Variants in UTRN observed in about 807,000 individuals in gnomAD.
UTRN encodes the protein dystrophin-related protein 1.
In UTRN, 283 loss-of-function variants were observed where a neutral mutation model predicts 463.9. That is an observed-to-expected ratio of 0.61 (90% CI 0.55 to 0.67). The LOEUF (loss-of-function observed/expected upper bound fraction) is 0.67, where lower values mean the gene tolerates loss of function less well. UTRN is among the 30% of genes least tolerant of loss of function. The probability of loss-of-function intolerance (pLI) is 0.00; values close to 1 mark genes in which losing one functional copy is unlikely to be tolerated. For missense variants in UTRN, 3,922 were observed against 4,084.3 expected (o/e 0.96, Z 1.08); for synonymous variants, 1,442 against 1,431.5 (o/e 1.01, Z -0.17).
Position 144,539,442 on chromosome 6 carries a change from AG to A in UTRN, c.6519+1del. ...SLRTVNMTWN[K>X]ICREVPTTLK... ...AGGACTGTAAATATGACATGGAATA[AG>A]GTGTGTGTAAAGTTACTATCACACA... On this transcript the variant is annotated frameshift_variant and splice_region_variant, in exon 45 of 75. Transcript: ENST00000367545. LOFTEE classifies it high-confidence loss of function. The A allele has an allele frequency of 6.3e-7, 1 of 1,590,660 alleles. No homozygotes were observed. Among genetic ancestry groups the A allele is most frequent in the Non-Finnish European group, 8.6e-7 (1 of 1,168,840 alleles).
rs1388522301 is a variant in UTRN, at chr6:144,491,060, C to T, written c.4395C>T (p.Asp1465=). 13 of 1,613,602 alleles carry T rather than the reference C, an allele frequency of 8.1e-6. 1 individual carries two copies. Among genetic ancestry groups the T allele is most frequent in the East Asian group, 6.7e-5 (3 of 44,880 alleles). The change falls in exon 32 of 75, where the codon GAC becomes GAT. Residue 1465 remains aspartate (D), a synonymous_variant. Transcript: ENST00000367545. The stretch of plus-strand genomic sequence containing the variant: ...AACTTCACGTTCTGGATGTGAAGGA[C>T]GTAGACCCTGACGTCATACAGACGC... ...KAELHVLDVK[D]VDPDVIQTHL...
rs571170536 is a variant in UTRN, at chr6:144,822,097, A to T, written c.9494+1079A>T. On this transcript the variant is annotated intron_variant, in intron 66 of 74. Transcript: ENST00000367545. ...AGATTCATAGTTCATTTTATTTTGT[A>T]CATGATAGAAAATCAGGAAGTAGTA... Among the ~76,000 whole-genome samples, 286 of 152,270 alleles carry T rather than the reference A, an allele frequency of 1.9e-3. 1 individual carries two copies. Among genetic ancestry groups the T allele is most frequent in the Non-Finnish European group, 2.5e-3 (169 of 67,958 alleles).
At chr6:144,568,912 T>C (rs901438806) in intron 50 of UTRN, among the ~76,000 whole-genome samples, 1 of 152,138 alleles carries the variant, frequency 6.6e-6, no homozygotes, top group Non-Finnish European at 1.5e-5. Context: ...TAGAATTAGG[T>C]CATTGTCTTT....
intron 2 of UTRN, among the ~76,000 whole-genome samples, chr6:144,361,126 C>T (rs1779044623): frequency 3.3e-5 from 5 of 152,180 alleles, no homozygotes; most frequent in Admixed American, 3.3e-4. Flanking sequence ...CCAGGGTGTC[C>T]TAAGAAAGAG....
Position 144,290,752 on chromosome 6 carries a change from CTTTTTTTTTTTT to C in UTRN, c.-92-967_-92-956del, listed in dbSNP as rs200477118. 6.2e-3 allele frequency among the ~76,000 whole-genome samples: 610 copies of C among 99,170 alleles called. 6 individuals are homozygous for C. Among genetic ancestry groups the C allele is most frequent in the African/African-American group, 0.024 (573 of 23,844 alleles). 65.1% of individuals were successfully genotyped at this position (99,170 alleles called of 152,430 possible). On this transcript the variant is annotated intron_variant, in intron 1 of 74. Transcript: ENST00000367545. ...TGGTCTACCTACAAGCCACAATCGTCTTTTTTTTTTTTTTTTTTTTTTTTTTTTTGAGATGGA... is the reference window on the plus strand; with the variant it reads ...TGGTCTACCTACAAGCCACAATCGTCTTTTTTTTTTTTTTTTTGAGATGGA...
intron 42 of UTRN, among the ~76,000 whole-genome samples, chr6:144,531,442 A>G (rs1310964975): frequency 6.6e-6 from 1 of 152,204 alleles, no homozygotes; most frequent in Non-Finnish European, 1.5e-5. Flanking sequence ...AATGTGAAAA[A>G]CAATTTTATT....
chr6:144,427,835 A>G (rs1785430576), intron 7 of UTRN, among the ~76,000 whole-genome samples: 1 of 152,234 alleles, frequency 6.6e-6, no homozygotes. Flanking sequence ...AGCAGAGAAC[A>G]AAACAGGCAA....
At chr6:144,657,282 C>T (rs1388684049) in intron 51 of UTRN, among the ~76,000 whole-genome samples, 1 of 147,498 alleles carries the variant, frequency 6.8e-6, no homozygotes, top group Admixed American at 6.7e-5. Flanking sequence ...AAGAGGCTGA[C>T]ATCATAGCTA....
At chr6:144,769,133 T>C (rs867131157) in intron 58 of UTRN, among the ~76,000 whole-genome samples, 2 of 152,164 alleles carry the variant, frequency 1.3e-5, no homozygotes, top group Middle Eastern at 3.4e-3. Flanking sequence ...GTTGTTATTT[T>C]GGGGGAAAAT....
At chr6:144,692,716 G>A (rs998567241) in intron 52 of UTRN, among the ~76,000 whole-genome samples, 5 of 151,968 alleles carry the variant, frequency 3.3e-5, no homozygotes, top group African/African-American at 1.2e-4. Flanking sequence ...GTCTGTTCAT[G>A]TCCTTTGCCC....
chr6:144,507,438 G>A (rs539012542), intron 34 of UTRN, among the ~76,000 whole-genome samples: 5 of 152,106 alleles, frequency 3.3e-5, no homozygotes, highest in South Asian at 2.1e-4. Flanking sequence ...GGTGACCTTC[G>A]AATGGGGTTT....
At chr6:144,422,558 C>T (rs1318048377) in intron 4 of UTRN, among the ~76,000 whole-genome samples, 1 of 151,354 alleles carries the variant, frequency 6.6e-6, no homozygotes, top group East Asian at 1.9e-4. Flanking sequence ...GTGGAGGTTG[C>T]AGTGAGCCGA....
At chr6:144,300,135 G>T (rs986516990) in intron 2 of UTRN, among the ~76,000 whole-genome samples, 1 of 151,112 alleles carries the variant, frequency 6.6e-6, no homozygotes, top group Non-Finnish European at 1.5e-5. Flanking sequence ...TGTTGCCCAG[G>T]CTGGAGTGCA....
intron 53 of UTRN, among the ~76,000 whole-genome samples, chr6:144,711,533 T>C (rs902599618): frequency 6.6e-6 from 1 of 152,304 alleles, no homozygotes; most frequent in South Asian, 2.1e-4. Context: ...ACAATGTATA[T>C]AGTGTTTGTA....
chr6:144,390,073 T>C (rs1254633403), intron 2 of UTRN, among the ~76,000 whole-genome samples: 1 of 152,196 alleles, frequency 6.6e-6, no homozygotes, highest in Non-Finnish European at 1.5e-5. Flanking sequence ...GAAAATAGCA[T>C]AGAGAGCAGA....
At chr6:144,686,919 C>T (rs1782820696) in intron 52 of UTRN, among the ~76,000 whole-genome samples, 1 of 152,074 alleles carries the variant, frequency 6.6e-6, no homozygotes, top group Non-Finnish European at 1.5e-5. Context: ...TTTCAGTTAT[C>T]ATGTTGATTG....
intron 3 of UTRN, among the ~76,000 whole-genome samples, chr6:144,411,311 T>C (rs1441086540): frequency 6.6e-6 from 1 of 152,226 alleles, no homozygotes; most frequent in African/African-American, 2.4e-5. Context: ...TGATCATTAG[T>C]TATGTTGAGC....
chr6:144,605,030 G>A (rs913127762), intron 51 of UTRN, among the ~76,000 whole-genome samples: 10 of 152,148 alleles, frequency 6.6e-5, no homozygotes, highest in Non-Finnish European at 1.2e-4. Context: ...ACGATATATC[G>A]TTGGCTTCCC....
intron 64 of UTRN, among the ~76,000 whole-genome samples, chr6:144,798,821 A>C (rs1205399911): frequency 6.6e-6 from 1 of 152,238 alleles, no homozygotes; most frequent in Non-Finnish European, 1.5e-5. Flanking sequence ...GGTTCACTTC[A>C]ACCTCTGCCT....
Sources: allele counts gnomAD v4.1 joint callset (sites outside exome capture counted in the v4.1 genomes callset), GRCh38; gene constraint gnomAD v4.1.1; transcripts MANE v1.5; gene names NCBI Gene and HGNC (gene_info 2026-07-23, HGNC 2026-07-21).